The following RASA3 variants were observed in gnomAD, a reference collection of about 807,000 sequenced individuals.
The protein encoded by RASA3 is ras GTPase-activating protein 3.
Under a neutral mutation model 110.0 loss-of-function variants are expected in RASA3, and 73 were observed. The observed-to-expected ratio is 0.66, with a 90% CI of 0.55 to 0.81. The LOEUF (loss-of-function observed/expected upper bound fraction) is 0.81. Among genes scored for constraint, RASA3 ranks in the 30% least tolerant of loss-of-function variants. RASA3 has a pLI of 0.00. For missense variants in RASA3, 976 were observed against 1,113.2 expected (o/e 0.88, Z 1.75); for synonymous variants, 500 against 451.4 (o/e 1.11, Z -1.37).
chr13:114,071,403 C>A (rs1289811404), intron 2 of RASA3, among the ~76,000 whole-genome samples: 1 of 152,248 alleles, frequency 6.6e-6, no homozygotes, highest in Non-Finnish European at 1.5e-5. Flanking sequence ...GGCTCTGATT[C>A]AGCGGGTCTG....
chr13:113,994,996 A>G (rs1227916651), intron 21 of RASA3, among the ~76,000 whole-genome samples: 1 of 152,214 alleles, frequency 6.6e-6, no homozygotes, highest in Non-Finnish European at 1.5e-5. Flanking sequence ...CTAAAAAAGC[A>G]TCCCCGAGCT....
At chr13:114,037,674 A>G (rs1279121168) in intron 4 of RASA3, among the ~76,000 whole-genome samples, 2 of 152,244 alleles carry the variant, frequency 1.3e-5, no homozygotes, top group Non-Finnish European at 1.5e-5. Context: ...GGTAAATTTC[A>G]TGTCTCTGTT....
At chr13:114,018,985 A>C (rs2053856652) in intron 9 of RASA3, 66 bp from the exon 10 acceptor site, 1 of 1,592,964 alleles carries the variant, frequency 6.3e-7, no homozygotes, top group African/African-American at 1.3e-5. Flanking sequence ...GCTCTCAGGG[A>C]AGCCCAGCTG....
At chr13:114,053,391 G>A (rs972151390) in intron 2 of RASA3, among the ~76,000 whole-genome samples, 29 of 152,248 alleles carry the variant, frequency 1.9e-4, no homozygotes, top group African/African-American at 7.0e-4. Context: ...TCCTCCCCAC[G>A]CCGGACCTGT....
At chr13:114,027,798 C>A in intron 6 of RASA3, 49 bp downstream of exon 6, 4 of 1,567,942 alleles carry the variant, frequency 2.6e-6, no homozygotes, top group South Asian at 2.2e-5. Flanking sequence ...AGAGCTGGAC[C>A]CTAGCCCCCC....
At chr13:114,122,973 GCC>G (rs1190419680) in intron 1 of RASA3, among the ~76,000 whole-genome samples, 2 of 152,238 alleles carry the variant, frequency 1.3e-5, no homozygotes, top group African/African-American at 4.8e-5. Context: ...GATTCCACGA[GCC>G]ACAAAAGCGC....
At position 114,073,818 on chromosome 13, in the gene RASA3, G is replaced by C. The variant is rs9525236; in HGVS notation, c.75C>G (p.Pro25=). ...KIKIGEAKNL[P]SYPGPSKMRD... ...TCATCTTGCTCGGCCCCGGGTAAGA[G>C]GGAAGGTTTTTGGCTTCACCTAAAA... Residue 25 remains proline, a synonymous_variant, in exon 2 of 24, where the codon CCC becomes CCG. Coordinates refer to ENST00000334062, the MANE Select transcript of RASA3 (RefSeq NM_007368.4). The C allele has an allele frequency of 6.8e-6, 11 of 1,614,204 alleles. No individual in the cohort carries two copies. Among genetic ancestry groups the C allele is most frequent in the Non-Finnish European group, 7.6e-6 (9 of 1,180,032 alleles).
chr13:114,110,218 A>AG (rs571450097), intron 1 of RASA3, among the ~76,000 whole-genome samples: 1 of 152,352 alleles, frequency 6.6e-6, no homozygotes, highest in South Asian at 2.1e-4. Context: ...AGCAGTCCCC[A>AG]GGGGGGCCTG....
intron 15 of RASA3, 142 bp downstream of exon 15, chr13:114,013,000 C>CCACT (rs1594319854): frequency 1.6e-6 from 1 of 641,358 alleles, no homozygotes; most frequent in African/African-American, 1.8e-5. Flanking sequence ...CACACACTCC[C>CCACT]CACTCACTCC....
In RASA3 at chr13:114,011,897, G is replaced by A. The variant is rs1218577699; in HGVS notation, c.1513-649C>T. Reference sequence around the variant, plus strand: ...AGATGGTACCACTGCACGCCAGCCTGGTGACAGAGCAAGACTCTGTCTCAA... The same window carrying A: ...AGATGGTACCACTGCACGCCAGCCTAGTGACAGAGCAAGACTCTGTCTCAA... On this transcript the variant is annotated intron_variant, in intron 15 of 23. Coordinates refer to ENST00000334062, the MANE Select transcript of RASA3 (RefSeq NM_007368.4). This position sits in a 1 kb window ranked among gnomAD's most constrained non-coding sequence, Gnocchi z 4.8. Among the ~76,000 whole-genome samples, 26 of 152,022 alleles carry A rather than the reference G, an allele frequency of 1.7e-4. No homozygotes were observed. The highest frequency in any genetic ancestry group is 1.5e-5 in the Non-Finnish European group (1 of 67,962).
rs2054395185 is a variant in RASA3, at chr13:114,041,062, T to G, written c.310A>C (p.Lys104Gln). Residue 104 changes from lysine (K) to glutamine (Q), a missense_variant, in exon 4 of 24, where the codon AAG becomes CAG. Around this residue, in one of 4 missense-constraint regions of RASA3, gnomAD observed 732 missense variants for 779.7 expected, o/e 0.94. Transcript: ENST00000334062. ...AACCAGGTGTCCCTGTTGTGGTACTTCTGCAAGTCCTCCTTCTGGATGGCC... is the reference window on the plus strand; with the variant it reads ...AACCAGGTGTCCCTGTTGTGGTACTGCTGCAAGTCCTCCTTCTGGATGGCC... The part of the protein sequence containing the change: ...KVAIQKEDLQ[K>Q]YHNRDTWFQL... The G allele has an allele frequency of 1.2e-6, 2 of 1,613,706 alleles. No homozygotes were observed. Among genetic ancestry groups the G allele is most frequent in the Non-Finnish European group, 1.7e-6 (2 of 1,180,028 alleles).
At chr13:114,030,472 G>GAGAGCAAGACTCACACAGAGAGCAAGA (rs1566501780) in intron 4 of RASA3, among the ~76,000 whole-genome samples, 1 of 82,440 alleles carries the variant, frequency 1.2e-5, no homozygotes, top group African/African-American at 3.9e-5. Context: ...AGAGGGCAAG[G>GAGAGCAAGACTCACACAGAGAGCAAGA]CTCACACAGA....
At chr13:114,013,875 CCTATCTCT>C (rs1566478868) in intron 14 of RASA3, among the ~76,000 whole-genome samples, 3 of 60,130 alleles carry the variant, frequency 5.0e-5, no homozygotes, top group African/African-American at 1.8e-4. Context: ...TGTCTCTCTC[CCTATCTCT>C]GTCTCTCTCT....
intron 3 of RASA3, among the ~76,000 whole-genome samples, chr13:114,042,198 C>T (rs2054425152): frequency 6.6e-6 from 1 of 152,256 alleles, no homozygotes. Flanking sequence ...CCCGGCAGGA[C>T]AGGGCTTGTC....
Position 114,132,545 on chromosome 13 carries a change from C to G in RASA3, c.-56G>C. 3 of 1,339,782 alleles carry G rather than the reference C, an allele frequency of 2.2e-6. No individual in the cohort carries two copies. The South Asian group carries it at 5.6e-5, about 25-fold the overall frequency. The allele number at this position is 1,339,782 out of a possible 1,614,324, so 83.0% of individuals were successfully genotyped here. A position where few individuals can be genotyped will look rare whatever the true frequency, so the allele number is the denominator to read the frequency against. ...CCAAGCGCGCGCCGAGCCCGGGCAGCTCAGGCCGAGCAGGAGGAGCGGCGG... is the reference window on the plus strand; with the variant it reads ...CCAAGCGCGCGCCGAGCCCGGGCAGGTCAGGCCGAGCAGGAGGAGCGGCGG... On this transcript the variant is annotated 5_prime_UTR_variant, in exon 1 of 24. Transcript: ENST00000334062.
intron 7 of RASA3, 108 bp downstream of exon 7, chr13:114,027,281 A>G (rs2054043675): frequency 6.9e-6 from 7 of 1,016,516 alleles, no homozygotes; most frequent in Non-Finnish European, 1.0e-5. Flanking sequence ...TCCTCTCCGG[A>G]AGGAACTTCC....
At chr13:114,075,335 A>C (rs781250785) in intron 1 of RASA3, among the ~76,000 whole-genome samples, 85 of 152,198 alleles carry the variant, frequency 5.6e-4, no homozygotes, top group Non-Finnish European at 1.0e-3. Flanking sequence ...CATGCCAGCA[A>C]CTCCAAAGGG....
intron 1 of RASA3, among the ~76,000 whole-genome samples, chr13:114,092,153 T>A (rs545139625): frequency 2.0e-5 from 3 of 152,174 alleles, no homozygotes; most frequent in Admixed American, 6.5e-5. Context: ...GTCTCTTTTG[T>A]CTCAATTTCA....
intron 1 of RASA3, among the ~76,000 whole-genome samples, chr13:114,116,913 GTGA>G (rs1216696099): frequency 1.4e-5 from 2 of 143,620 alleles, no homozygotes; most frequent in Non-Finnish European, 3.0e-5. Flanking sequence ...GTGCACGTGT[GTGA>G]GGGGTGAGCA....
Sources: gnomAD v4.1 joint callset for allele counts (sites outside exome capture counted in the v4.1 genomes callset) on GRCh38, gnomAD v4.1.1 for gene constraint, gnomAD v4.1.1 regional missense constraint, Gnocchi (gnomAD v3.1) non-coding constraint, MANE v1.5 for transcripts, NCBI Gene and HGNC (gene_info 2026-07-23, HGNC 2026-07-21) for gene names.